PRL: variants seen among roughly 807,000 people sequenced by gnomAD.
PRL encodes the protein decidual prolactin.
PRL carries 24 observed loss-of-function variants against 21.3 expected under a neutral mutation model. The ratio of observed to expected loss-of-function variants is 1.13; its 90% CI spans 0.82 to 1.59. The LOEUF is 1.59. Ranked by LOEUF, PRL falls within the 40% of genes most tolerant of loss-of-function variation. The pLI is 0.00. For missense variants in PRL, 243 were observed against 286.9 expected, an observed-to-expected ratio of 0.85 and a Z score of 1.10; for synonymous variants, 118 against 115.7, an observed-to-expected ratio of 1.02 and a Z score of -0.13.
At chr6:22,300,929 C>T (rs78322238), upstream of PRL, among the ~76,000 whole-genome samples, 136 of 152,332 alleles carry the variant, frequency 8.9e-4, 1 homozygote, top group African/African-American at 3.1e-3. Flanking sequence ...CCTTTGTACA[C>T]ATTTTAATGC....
intron 1 of PRL, 151 bp from the exon 2 acceptor site, chr6:22,294,735 C>T: frequency 1.3e-6 from 1 of 779,874 alleles, no homozygotes; most frequent in Non-Finnish European, 2.0e-6. Context: ...AGAACAAACG[C>T]CTTCCACTGT....
At chr6:22,287,614 T>A in intron 4 of PRL, 21 bp from the exon 5 acceptor site, 1 of 1,542,862 alleles carries the variant, frequency 6.5e-7, no homozygotes, top group Non-Finnish European at 8.8e-7. Flanking sequence ...AAAAAAAGAG[T>A]GACTTATTCT....
chr6:22,302,472 A>C (rs1476822786), upstream of PRL, among the ~76,000 whole-genome samples: 1 of 152,208 alleles, frequency 6.6e-6, no homozygotes, highest in Non-Finnish European at 1.5e-5. Context: ...CTTATGTACA[A>C]GTGACATATC....
At chr6:22,292,373 G>A (rs185345929) in intron 3 of PRL, among the ~76,000 whole-genome samples, 165 bp downstream of exon 3, 1 of 152,228 alleles carries the variant, frequency 6.6e-6, no homozygotes, top group African/African-American at 2.4e-5. Flanking sequence ...CATTTGATTT[G>A]ACTCATATTT....
chr6:22,294,918 T>C (rs774844430), intron 1 of PRL, among the ~76,000 whole-genome samples: 2 of 152,196 alleles, frequency 1.3e-5, no homozygotes, highest in Non-Finnish European at 2.9e-5. Flanking sequence ...TTTAATGTCT[T>C]GGGAGTTTCT....
chr6:22,301,364 T>A (rs1761279089), upstream of PRL, among the ~76,000 whole-genome samples: 1 of 152,208 alleles, frequency 6.6e-6, no homozygotes, highest in African/African-American at 2.4e-5. Context: ...CAGAAAGCTA[T>A]AGCGATAGAT....
chr6:22,295,623 T>C (rs1761158408), intron 1 of PRL, among the ~76,000 whole-genome samples: 2 of 152,198 alleles, frequency 1.3e-5, no homozygotes, highest in African/African-American at 4.8e-5. Context: ...TTGTCATCAA[T>C]TTGCTATCTC....
At chr6:22,300,339 T>G (rs1761259681), upstream of PRL, among the ~76,000 whole-genome samples, 1 of 152,230 alleles carries the variant, frequency 6.6e-6, no homozygotes, top group Admixed American at 6.5e-5. Context: ...TAAGAATATA[T>G]TCTTGTAACA....
At position 22,290,310 on chromosome 6, in the gene PRL, C is replaced by T; in HGVS notation, c.356G>A (p.Trp119Ter). 3.7e-6 allele frequency: 6 copies of T among 1,608,492 alleles called. No homozygotes were observed. Among genetic ancestry groups the T allele is most frequent in the Non-Finnish European group, 4.3e-6 (5 of 1,176,160 alleles). Residue 119 changes from tryptophan (W) to a stop codon, truncating the protein, a stop_gained, in exon 4 of 5, where the codon TGG (tryptophan) becomes TAG (stop). Coordinates refer to ENST00000306482, the MANE Select transcript of PRL (RefSeq NM_000948.6). LOFTEE classifies it high-confidence loss of function. Reference protein sequence around the residue: ...LSLIVSILRSWNEPLYHLVTE... With the variant: ...LSLIVSILRS The stretch of plus-strand genomic sequence containing the variant: ...GACCAGATGATACAGAGGCTCATTC[C>T]AGGATCGCAATATGCTGACTATCAG...
At position 22,287,331 on chromosome 6, in the gene PRL, C is replaced by A. The variant is rs2113495716; in HGVS notation, c.*71G>T. ...CCCAAGCATGGATTCAAAAGAGATA[C>A]AACTAAAAGAAGCTTGCAATGGAAC... On this transcript the variant is annotated 3_prime_UTR_variant, in exon 5 of 5. Coordinates refer to ENST00000306482, the MANE Select transcript of PRL (RefSeq NM_000948.6). 7.0e-7 allele frequency: 1 copy of A among 1,429,448 alleles called. No homozygotes were observed. The highest frequency in any genetic ancestry group is 9.5e-7 in the Non-Finnish European group (1 of 1,058,030). The allele number at this position is 1,429,448 out of a possible 1,614,324, so 88.5% of individuals were successfully genotyped here.
chr6:22,290,178 C>G lies in PRL; in HGVS notation c.488G>C (p.Ser163Thr). Residue 163 changes from serine (S) to threonine (T), a missense_variant, in exon 4 of 5, where the codon AGC (serine) becomes ACC (threonine). Coordinates refer to ENST00000306482, the MANE Select transcript of PRL (RefSeq NM_000948.6). ...AAGCACCAGGAGGCTGCTCACCTGG[C>G]TGACTATCAGCTCCATGCCCTCTAG... ...RLLEGMELIV[S>T]QVHPETKENE... The G allele has an allele frequency of 6.4e-7, 1 of 1,571,258 alleles. No homozygotes were observed. The highest frequency in any genetic ancestry group is 1.2e-5 in the South Asian group (1 of 86,630).
rs778767930 is a variant in PRL at position 22,290,230 on chromosome 6, C to T, written c.436G>A (p.Glu146Lys). The stretch of plus-strand genomic sequence containing the variant: ...AGCCGTTTGGTTTGCTCCTCAATCT[C>T]TACAGCTTTGGATAGGATAGCCTCC... ...APEAILSKAV[E>K]IEEQTKRLLE... is the part of the protein sequence containing the mutation. Residue 146 changes from glutamate (E) to lysine (K), a missense_variant, in exon 4 of 5, where the codon GAG becomes AAG. Coordinates refer to ENST00000306482, the MANE Select transcript of PRL (RefSeq NM_000948.6). The T allele has an allele frequency of 6.2e-7, 1 of 1,611,966 alleles. No individual in the cohort carries two copies. Among genetic ancestry groups the T allele is most frequent in the Non-Finnish European group, 8.5e-7 (1 of 1,178,384 alleles).
At position 22,288,910 on chromosome 6, in the gene PRL, G is replaced by A. The variant is rs576083257; in HGVS notation, c.492+1264C>T. On this transcript the variant is annotated intron_variant, in intron 4 of 4. Transcript: ENST00000306482. This position sits in a 1 kb window ranked among gnomAD's most constrained non-coding sequence, Gnocchi z 4.5. Reference sequence around the variant, plus strand: ...CGTGTGTGTGCGTGTGTGCGCGCGCGTGTGTGTGCGTGCGCGTGTGTGTGC... The same window carrying A: ...CGTGTGTGTGCGTGTGTGCGCGCGCATGTGTGTGCGTGCGCGTGTGTGTGC... 2.7e-5 allele frequency among the ~76,000 whole-genome samples: 4 copies of A among 149,786 alleles called. No individual in the cohort carries two copies. Among genetic ancestry groups the A allele is most frequent in the South Asian group, 2.1e-4 (1 of 4,716 alleles).
intron 2 of PRL, among the ~76,000 whole-genome samples, chr6:22,294,089 G>A (rs1276418944): frequency 6.6e-6 from 1 of 152,058 alleles, no homozygotes; most frequent in African/African-American, 2.4e-5. Context: ...CTACATTCAA[G>A]AACAAGAAAT....
At chr6:22,295,722 CTTG>C (rs1761160971) in intron 1 of PRL, among the ~76,000 whole-genome samples, 1 of 152,194 alleles carries the variant, frequency 6.6e-6, no homozygotes, top group Admixed American at 6.5e-5. Context: ...ATTAAAATCA[CTTG>C]TTAACTTCAG....
At chr6:22,294,860 C>T (rs1207879951) in intron 1 of PRL, among the ~76,000 whole-genome samples, 1 of 152,198 alleles carries the variant, frequency 6.6e-6, no homozygotes, top group African/African-American at 2.4e-5. Context: ...ACATTTGGAG[C>T]TTAAATTAAT....
intron 2 of PRL, among the ~76,000 whole-genome samples, chr6:22,293,625 G>GGGAAGGAA (rs1176296800): frequency 1.2e-3 from 34 of 27,324 alleles, no homozygotes; most frequent in South Asian, 3.8e-3. Context: ...GAGGGAAGGA[G>GGGAAGGAA]GGAAGGAAGG....
chr6:22,297,856 A>G (rs1219251240), upstream of PRL, among the ~76,000 whole-genome samples: 2 of 152,238 alleles, frequency 1.3e-5, no homozygotes, highest in African/African-American at 2.4e-5. Flanking sequence ...AACTGCAGTC[A>G]CTTGCGCACC....
chr6:22,294,664 C>A, intron 1 of PRL, 80 bp from the exon 2 acceptor site: 3 of 1,429,110 alleles, frequency 2.1e-6, no homozygotes, highest in Non-Finnish European at 2.8e-6. Context: ...CGAGGAAAGC[C>A]TTATTGCTCC....
Sources: gnomAD v4.1 joint callset for allele counts (sites outside exome capture counted in the v4.1 genomes callset) on GRCh38, gnomAD v4.1.1 for gene constraint, Gnocchi (gnomAD v3.1) non-coding constraint, MANE v1.5 for transcripts, NCBI Gene and HGNC (gene_info 2026-07-23, HGNC 2026-07-21) for gene names.